Variants in BCL2 observed in about 807,000 individuals in gnomAD.
The protein encoded by BCL2 is apoptosis regulator Bcl-2.
A neutral mutation model predicts 14.2 loss-of-function variants in BCL2; 1 was observed. The observed-to-expected ratio is 0.07, with a 90% CI of 0.02 to 0.33. The LOEUF (loss-of-function observed/expected upper bound fraction) is 0.33. BCL2 is among the 10% of genes least tolerant of loss of function. BCL2 has a pLI of 0.99. For missense variants in BCL2, 247 were observed against 305.9 expected, an observed-to-expected ratio of 0.81 and a Z score of 1.44; for synonymous variants, 151 against 137.2, an observed-to-expected ratio of 1.10 and a Z score of -0.70.
intron 2 of BCL2, among the ~76,000 whole-genome samples, chr18:63,294,998 CAAAAA>C (rs34986306): frequency 9.8e-5 from 13 of 132,410 alleles, no homozygotes; most frequent in African/African-American, 3.8e-4. Context: ...CTGAAAATAC[CAAAAA>C]AAAAAAAAAA....
chr18:63,260,265 T>A (rs992573000), intron 2 of BCL2, among the ~76,000 whole-genome samples: 2 of 152,164 alleles, frequency 1.3e-5, no homozygotes, highest in Non-Finnish European at 2.9e-5. Flanking sequence ...TGCATGCACA[T>A]GTACACGCAC....
chr18:63,295,772 C>G (rs1242030408), intron 2 of BCL2, among the ~76,000 whole-genome samples: 7 of 152,182 alleles, frequency 4.6e-5, no homozygotes, highest in Non-Finnish European at 1.0e-4. Flanking sequence ...ATCCCCAATG[C>G]TGGGTGACTA....
intron 2 of BCL2, among the ~76,000 whole-genome samples, chr18:63,228,191 A>G (rs1238772593): frequency 2.6e-5 from 4 of 152,232 alleles, no homozygotes; most frequent in African/African-American, 7.2e-5. Flanking sequence ...ACTCCACCCA[A>G]TAAGCATGGA....
intron 2 of BCL2, among the ~76,000 whole-genome samples, chr18:63,140,171 A>C (rs1265756358): frequency 6.6e-6 from 1 of 152,188 alleles, no homozygotes; most frequent in Admixed American, 6.5e-5. Flanking sequence ...GGATGTTGAG[A>C]AATTGAAACC....
rs554085830 is a variant in BCL2 at position 63,124,544 on chromosome 18, A to C, written c.*4081T>G. ...TACCCTTAGTTCTGGTTATTCTGAAAACTTCCAACTCCCTGATCCAAACTT... is the reference window on the plus strand; with the variant it reads ...TACCCTTAGTTCTGGTTATTCTGAACACTTCCAACTCCCTGATCCAAACTT... On this transcript the variant is annotated 3_prime_UTR_variant, in exon 3 of 3. Transcript: ENST00000333681. 8.6e-5 allele frequency: 20 copies of C among 232,134 alleles called. No individual in the cohort carries two copies. The South Asian group carries it at 1.6e-3, about 19-fold the overall frequency. The allele number at this position is 232,134 out of a possible 1,614,324, so 14.4% of individuals were successfully genotyped here.
At chr18:63,183,646 C>A (rs1230781357) in intron 2 of BCL2, among the ~76,000 whole-genome samples, 1 of 152,158 alleles carries the variant, frequency 6.6e-6, no homozygotes, top group African/African-American at 2.4e-5. Flanking sequence ...CAAGGGCTGG[C>A]AATGGCATCA....
At chr18:63,270,679 C>T (rs886869586) in intron 2 of BCL2, among the ~76,000 whole-genome samples, 6 of 152,166 alleles carry the variant, frequency 3.9e-5, no homozygotes, top group Non-Finnish European at 5.9e-5. Context: ...GAAATCACTG[C>T]ATACCTTTTG....
intron 2 of BCL2, among the ~76,000 whole-genome samples, chr18:63,134,332 A>G (rs1454460075): frequency 6.6e-6 from 1 of 152,252 alleles, no homozygotes; most frequent in African/African-American, 2.4e-5. Flanking sequence ...AATTTGACAG[A>G]CAAAAATGCT....
chr18:63,307,750 C>T (rs1370671482), intron 2 of BCL2, among the ~76,000 whole-genome samples: 2 of 152,136 alleles, frequency 1.3e-5, no homozygotes, highest in Admixed American at 6.5e-5. Context: ...TCTGAATTCA[C>T]TCATAGATAA....
At position 63,127,165 on chromosome 18, in the gene BCL2, A is replaced by AT. The variant is rs1913931435; in HGVS notation, c.*1459_*1460insA. On this transcript the variant is annotated 3_prime_UTR_variant, in exon 3 of 3. Coordinates refer to ENST00000333681, the MANE Select transcript of BCL2 (RefSeq NM_000633.3). ...ATGTTTTACATGTAATTCCATAGAC[A>AT]GGGGTCAATTAATCCATGACACCTC... 4.4e-6 allele frequency: 1 copy of AT among 229,556 alleles called. No individual in the cohort carries two copies. Among genetic ancestry groups the AT allele is most frequent in the Non-Finnish European group, 8.6e-6 (1 of 115,828 alleles). The allele number at this position is 229,556 out of a possible 1,614,324, so 14.2% of individuals were successfully genotyped here.
At chr18:63,239,739 C>CAA (rs113619764) in intron 2 of BCL2, among the ~76,000 whole-genome samples, 4 of 120,398 alleles carry the variant, frequency 3.3e-5, no homozygotes, top group Non-Finnish European at 5.4e-5. Context: ...GACTCTGTCT[C>CAA]AAAAAAAAAA....
chr18:63,178,656 T>C (rs979564373), intron 2 of BCL2, among the ~76,000 whole-genome samples: 3 of 152,160 alleles, frequency 2.0e-5, no homozygotes, highest in African/African-American at 4.8e-5. Flanking sequence ...TTGGGTCTGA[T>C]GGATGTTGCA....
Position 63,228,539 on chromosome 18 carries a change from T to C in BCL2, c.585+89543A>G, listed in dbSNP as rs1230756234. ...TTATCTGTGATCTCCAAATAAAATA[T>C]AAGATCTCTCAGATCCAAGAGAGTA... is the stretch of plus-strand genomic sequence containing the variant. On this transcript the variant is annotated intron_variant, in intron 2 of 2. Coordinates refer to ENST00000333681, the MANE Select transcript of BCL2 (RefSeq NM_000633.3). 4.6e-5 allele frequency among the ~76,000 whole-genome samples: 7 copies of C among 152,194 alleles called. No individual in the cohort carries two copies. The East Asian group carries it at 1.3e-3, about 29-fold the overall frequency.
intron 2 of BCL2, among the ~76,000 whole-genome samples, chr18:63,144,480 AACTATATTTTGCTTCTCCCAAAGG>A (rs977182593): frequency 9.9e-5 from 15 of 152,048 alleles, no homozygotes; most frequent in Non-Finnish European, 1.9e-4. Flanking sequence ...GTACCTTTTC[AACTATATTTTGCTTCTCCCAAAGG>A]AAGCAGAAAA....
intron 2 of BCL2, among the ~76,000 whole-genome samples, chr18:63,264,610 C>G (rs752698775): frequency 2.0e-5 from 3 of 152,160 alleles, no homozygotes; most frequent in Non-Finnish European, 4.4e-5. Context: ...CTTTGAACAG[C>G]TTGCATGATA....
chr18:63,189,208 A>G lies in BCL2; in HGVS notation c.586-60449T>C, dbSNP rs182538038. On this transcript the variant is annotated intron_variant, in intron 2 of 2. Coordinates refer to ENST00000333681, the MANE Select transcript of BCL2 (RefSeq NM_000633.3). ...AGCATATAAAAAAAAAAAAAAAAGA[A>G]AAAGAAAAACAACCTAGGCTTTTTT... is the stretch of plus-strand genomic sequence containing the variant. Among the ~76,000 whole-genome samples the G allele has an allele frequency of 5.2e-3, 785 of 151,908 alleles. 5 individuals are homozygous for G. Among genetic ancestry groups the G allele is most frequent in the Admixed American group, 9.1e-3 (139 of 15,258 alleles).
chr18:63,192,331 GA>G (rs1909311379), intron 2 of BCL2, among the ~76,000 whole-genome samples: 1 of 152,214 alleles, frequency 6.6e-6, no homozygotes, highest in Non-Finnish European at 1.5e-5. Flanking sequence ...GGAGGATCAG[GA>G]AGTCAGTTCG....
At chr18:63,294,692 A>G (rs911034473) in intron 2 of BCL2, among the ~76,000 whole-genome samples, 1 of 152,064 alleles carries the variant, frequency 6.6e-6, no homozygotes, top group African/African-American at 2.4e-5. Flanking sequence ...AAAAAAAAGT[A>G]GTTAAATTCT....
chr18:63,300,925 T>A (rs1406054287), intron 2 of BCL2, among the ~76,000 whole-genome samples: 1 of 152,210 alleles, frequency 6.6e-6, no homozygotes, highest in Non-Finnish European at 1.5e-5. Context: ...AATTCTAATT[T>A]AATATATTTG....
Sources: gnomAD v4.1 joint callset for allele counts (sites outside exome capture counted in the v4.1 genomes callset) on GRCh38, gnomAD v4.1.1 for gene constraint, MANE v1.5 for transcripts, NCBI Gene and HGNC (gene_info 2026-07-23, HGNC 2026-07-21) for gene names.